Variants in CYB5R4 observed in about 807,000 individuals in gnomAD.
The protein encoded by CYB5R4 is cytochrome b5 reductase 4, also known as N-terminal cytochrome b5 and cytochrome b5 oxidoreductase domain-containing protein.
In CYB5R4, 55 loss-of-function variants were observed where a neutral mutation model predicts 70.2. That is an observed-to-expected ratio of 0.78 (90% confidence interval 0.63 to 0.98). The LOEUF is 0.98. Ranked by LOEUF, CYB5R4 falls within the 50% of genes least tolerant of loss-of-function variation. The pLI is 0.00. For missense variants in CYB5R4, 562 were observed against 612.6 expected (o/e 0.92, Z 0.87); for synonymous variants, 197 against 199.5 (o/e 0.99, Z 0.11).
intron 2 of CYB5R4, among the ~76,000 whole-genome samples, chr6:83,872,102 C>T (rs1007707497): frequency 6.6e-6 from 1 of 152,128 alleles, no homozygotes; most frequent in Non-Finnish European, 1.5e-5. Context: ...CAGTAACTCT[C>T]ATTATATTCC....
intron 1 of CYB5R4, among the ~76,000 whole-genome samples, chr6:83,861,353 A>G (rs546551271): frequency 2.6e-5 from 4 of 152,330 alleles, no homozygotes; most frequent in African/African-American, 9.6e-5. Context: ...GAATGTAAAA[A>G]CTGAGTCAGG....
chr6:83,867,854 C>T (rs1049715474), intron 2 of CYB5R4, among the ~76,000 whole-genome samples: 3 of 152,150 alleles, frequency 2.0e-5, no homozygotes, highest in Admixed American at 1.3e-4. Context: ...GTATAATTGC[C>T]CTGCTTACGC....
At chr6:83,919,308 A>G (rs2099465995) in intron 6 of CYB5R4, 89 bp from the exon 7 acceptor site, 1 of 720,790 alleles carries the variant, frequency 1.4e-6, no homozygotes, top group Admixed American at 3.6e-5. Flanking sequence ...GATATGTCTC[A>G]TTATAAATTT....
intron 14 of CYB5R4, among the ~76,000 whole-genome samples, chr6:83,950,108 T>C (rs2099471283): frequency 6.6e-6 from 1 of 152,292 alleles, no homozygotes; most frequent in East Asian, 1.9e-4. Context: ...TGCAAAAATA[T>C]AGATACTTCA....
chr6:83,941,949 G>A (rs2099469834), intron 14 of CYB5R4, among the ~76,000 whole-genome samples: 1 of 152,092 alleles, frequency 6.6e-6, no homozygotes, highest in Non-Finnish European at 1.5e-5. Context: ...ACTTACCTCT[G>A]GGGGCCTCTT....
At chr6:83,957,787 G>C (rs1056986952) in intron 15 of CYB5R4, among the ~76,000 whole-genome samples, 1 of 152,062 alleles carries the variant, frequency 6.6e-6, no homozygotes, top group Non-Finnish European at 1.5e-5. Context: ...ACTCACTCCT[G>C]AACATGCTGC....
chr6:83,955,107 C>T (rs1330742234), intron 14 of CYB5R4, among the ~76,000 whole-genome samples, 191 bp from the exon 15 acceptor site: 2 of 151,898 alleles, frequency 1.3e-5, no homozygotes, highest in African/African-American at 4.8e-5. Flanking sequence ...AAAGCTAATC[C>T]TTAGTAAATA....
chr6:83,898,901 C>T (rs996313959), intron 3 of CYB5R4, among the ~76,000 whole-genome samples: 1 of 152,188 alleles, frequency 6.6e-6, no homozygotes, highest in Non-Finnish European at 1.5e-5. Flanking sequence ...ACAATCATGT[C>T]ATCTGCAAAC....
chr6:83,871,166 A>T (rs1016940443), intron 2 of CYB5R4, among the ~76,000 whole-genome samples: 4 of 151,674 alleles, frequency 2.6e-5, no homozygotes, highest in East Asian at 3.9e-4. Flanking sequence ...TTTAGTAGAG[A>T]TGGGGGTTTC....
At chr6:83,935,960 T>C in intron 11 of CYB5R4, among the ~76,000 whole-genome samples, 1 of 152,104 alleles carries the variant, frequency 6.6e-6, no homozygotes, top group African/African-American at 2.4e-5. Flanking sequence ...ATTATTACCA[T>C]ATATTTCTAT....
intron 5 of CYB5R4, among the ~76,000 whole-genome samples, chr6:83,916,087 T>G (rs2099465473): frequency 6.6e-6 from 1 of 152,184 alleles, no homozygotes; most frequent in African/African-American, 2.4e-5. Flanking sequence ...ATTCCATGGC[T>G]TATTATTCTG....
chr6:83,940,374 T>C, intron 13 of CYB5R4, 141 bp from the exon 14 acceptor site: 1 of 1,058,358 alleles, frequency 9.4e-7, no homozygotes, highest in Admixed American at 3.3e-5. Context: ...CTAGGTTCTT[T>C]TATCTCATTT....
intron 2 of CYB5R4, among the ~76,000 whole-genome samples, chr6:83,893,079 C>G (rs2099461379): frequency 6.6e-6 from 1 of 152,176 alleles, no homozygotes; most frequent in Admixed American, 6.5e-5. Flanking sequence ...TAATAAATAT[C>G]TCCCTCAGGA....
chr6:83,901,151 C>T (rs937820161), intron 3 of CYB5R4, among the ~76,000 whole-genome samples: 1 of 152,114 alleles, frequency 6.6e-6, no homozygotes, highest in Admixed American at 6.5e-5. Flanking sequence ...TCTTTTAGGG[C>T]AGGCCTGGTG....
chr6:83,922,407 T>C (rs750387098), intron 8 of CYB5R4, 31 bp from the exon 9 acceptor site: 1 of 1,591,848 alleles, frequency 6.3e-7, no homozygotes, highest in African/African-American at 1.4e-5. Flanking sequence ...ATTGAAGTTC[T>C]ATTTTAACTA....
chr6:83,965,602 T>A lies in CYB5R4; in HGVS notation c.*5724T>A, dbSNP rs111381648. ...CAGATGAGACTTTTGAACTGTGGAC[T>A]TTTGGGTTAATGCTGAAATGATTTA... is the stretch of plus-strand genomic sequence containing the variant. On this transcript the variant is annotated 3_prime_UTR_variant, in exon 16 of 16. Coordinates refer to ENST00000369681, the MANE Select transcript of CYB5R4 (RefSeq NM_016230.4). The A allele has an allele frequency of 6.6e-6, 1 of 152,158 alleles. No homozygotes were observed. The highest frequency in any genetic ancestry group is 2.4e-5 in the African/African-American group (1 of 41,420). 9.4% of individuals were successfully genotyped at this position (152,158 alleles called of 1,614,324 possible).
chr6:83,921,472 C>T (rs1439435801), intron 8 of CYB5R4, among the ~76,000 whole-genome samples: 2 of 152,164 alleles, frequency 1.3e-5, no homozygotes, highest in Non-Finnish European at 2.9e-5. Flanking sequence ...AGAAGTCTTC[C>T]AAGGCCCATT....
At chr6:83,889,510 A>G (rs2099460776) in intron 2 of CYB5R4, among the ~76,000 whole-genome samples, 1 of 152,196 alleles carries the variant, frequency 6.6e-6, no homozygotes, top group African/African-American at 2.4e-5. Flanking sequence ...TGTTTATAGC[A>G]TGGTTTACTG....
At chr6:83,906,898 G>A (rs1489832786) in intron 3 of CYB5R4, among the ~76,000 whole-genome samples, 1 of 152,044 alleles carries the variant, frequency 6.6e-6, no homozygotes, top group African/African-American at 2.4e-5. Flanking sequence ...GTATTGTATT[G>A]AATGGCATTA....
Sources: allele counts gnomAD v4.1 joint callset (sites outside exome capture counted in the v4.1 genomes callset), GRCh38; gene constraint gnomAD v4.1.1; transcripts MANE v1.5; gene names NCBI Gene and HGNC (gene_info 2026-07-23, HGNC 2026-07-21).